Variants in CNBD1 observed in about 807,000 individuals in gnomAD.
CNBD1 encodes the protein cyclic nucleotide-binding domain-containing protein 1.
CNBD1 carries 71 observed loss-of-function variants against 54.4 expected under a neutral mutation model. The observed-to-expected ratio is 1.30, with a 90% CI of 1.08 to 1.59. The LOEUF is 1.59. CNBD1 is among the 40% of genes most tolerant of loss of function. The pLI is 0.00. For synonymous variants in CNBD1, 182 were observed against 170.7 expected (o/e 1.07, Z -0.51); for missense variants, 659 against 518.0 (o/e 1.27, Z -2.64).
chr8:86,979,022 G>A (rs1024704364), intron 4 of CNBD1, among the ~76,000 whole-genome samples: 9 of 152,018 alleles, frequency 5.9e-5, no homozygotes, highest in Non-Finnish European at 1.2e-4. Flanking sequence ...AGATTATGTC[G>A]TAATGTTAAG....
At chr8:87,416,611 T>A (rs1355543665) in intron 2 of CNBD1, among the ~76,000 whole-genome samples, 1 of 152,016 alleles carries the variant, frequency 6.6e-6, no homozygotes, top group Non-Finnish European at 1.5e-5. Flanking sequence ...GTCTGGTCAT[T>A]CTCTGGAAGA....
At chr8:86,942,963 G>A (rs924741949) in intron 4 of CNBD1, among the ~76,000 whole-genome samples, 9 of 151,918 alleles carry the variant, frequency 5.9e-5, no homozygotes, top group Non-Finnish European at 8.8e-5. Flanking sequence ...TCAGATTGAC[G>A]GGCTGTTTAA....
At chr8:87,237,182 C>T in intron 6 of CNBD1, 70 bp downstream of exon 6, 2 of 889,410 alleles carry the variant, frequency 2.2e-6, no homozygotes, top group Non-Finnish European at 3.4e-6. Flanking sequence ...TTATCTCTTC[C>T]AGACATTAAG....
intron 2 of CNBD1, among the ~76,000 whole-genome samples, chr8:86,900,215 A>T (rs562461804): frequency 1.9e-4 from 29 of 152,302 alleles, no homozygotes; most frequent in South Asian, 1.9e-3. Flanking sequence ...GTTCTAAGGT[A>T]TAAGGTATGT....
At chr8:87,077,521 A>G (rs1810898859) in intron 4 of CNBD1, among the ~76,000 whole-genome samples, 2 of 145,334 alleles carry the variant, frequency 1.4e-5, no homozygotes, top group African/African-American at 5.1e-5. Context: ...TTAACTCGTC[A>G]TTTACATTAG....
In CNBD1 at chr8:86,979,588, T is replaced by TA. The variant is rs200091649; in HGVS notation, c.431+39842dup. 5.3e-3 allele frequency among the ~76,000 whole-genome samples: 810 copies of TA among 151,596 alleles called. 5 individuals are homozygous for TA. The highest frequency in any genetic ancestry group is 0.018 in the African/African-American group (732 of 41,316). ...AGAATAAGACCCCATTTCCAAAAAA[T>TA]AAAAAAAATTAAAATTCACACTGAG... is the stretch of plus-strand genomic sequence containing the variant. On this transcript the variant is annotated intron_variant, in intron 4 of 10. Transcript: ENST00000518476.
Position 87,077,880 on chromosome 8 carries a change from G to A in CNBD1, c.432-128113G>A, listed in dbSNP as rs149882300. On this transcript the variant is annotated intron_variant, in intron 4 of 10. Coordinates refer to ENST00000518476, the MANE Select transcript of CNBD1 (RefSeq NM_173538.3). ...GTGAATAGTGCTGCAATAAACACAC[G>A]TGTGCATGTGTCTTTATAGTATCAT... is the stretch of plus-strand genomic sequence containing the variant. Among the ~76,000 whole-genome samples the A allele has an allele frequency of 3.1e-3, 474 of 152,102 alleles. 6 individuals are homozygous for A. Among genetic ancestry groups the A allele is most frequent in the Admixed American group, 7.2e-3 (110 of 15,264 alleles).
chr8:87,162,280 G>A (rs958470689), intron 4 of CNBD1, among the ~76,000 whole-genome samples: 2 of 151,974 alleles, frequency 1.3e-5, no homozygotes, highest in Non-Finnish European at 2.9e-5. Context: ...ATAAATGATT[G>A]TACATTGCAG....
intron 4 of CNBD1, among the ~76,000 whole-genome samples, chr8:87,161,748 A>G (rs1043952840): frequency 4.6e-5 from 7 of 152,164 alleles, no homozygotes; most frequent in African/African-American, 1.4e-4. Context: ...TATGCCTTAC[A>G]AAAGTAATTC....
At chr8:87,085,166 A>T (rs1004198774) in intron 4 of CNBD1, among the ~76,000 whole-genome samples, 1 of 152,118 alleles carries the variant, frequency 6.6e-6, no homozygotes, top group African/African-American at 2.4e-5. Context: ...TTTGCAATTC[A>T]TCCACAGATC....
chr8:87,401,002 A>G (rs1807554832), intron 2 of CNBD1, among the ~76,000 whole-genome samples: 1 of 152,016 alleles, frequency 6.6e-6, no homozygotes, highest in Admixed American at 6.6e-5. Flanking sequence ...ATTGAGGCTA[A>G]AGGACAGAAT....
At chr8:87,335,512 G>C (rs1049518830) in intron 8 of CNBD1, among the ~76,000 whole-genome samples, 2 of 152,060 alleles carry the variant, frequency 1.3e-5, no homozygotes, top group African/African-American at 4.8e-5. Context: ...TTTTATCAGA[G>C]ACTAGGGTTT....
chr8:87,110,384 C>G (rs1811637723), intron 4 of CNBD1, among the ~76,000 whole-genome samples: 1 of 152,160 alleles, frequency 6.6e-6, no homozygotes, highest in Non-Finnish European at 1.5e-5. Context: ...CTTTCTTGCT[C>G]TGGACCCCAC....
At chr8:87,351,983 T>G (rs895384793) in intron 9 of CNBD1, among the ~76,000 whole-genome samples, 189 bp downstream of exon 9, 4 of 152,194 alleles carry the variant, frequency 2.6e-5, no homozygotes, top group African/African-American at 7.2e-5. Context: ...TAAGATATAT[T>G]GATTTGTAAG....
At chr8:87,093,086 T>C (rs1361358990) in intron 4 of CNBD1, among the ~76,000 whole-genome samples, 1 of 152,222 alleles carries the variant, frequency 6.6e-6, no homozygotes, top group Non-Finnish European at 1.5e-5. Context: ...CTTCTCCCTC[T>C]GACTTCTAGA....
At chr8:87,424,165 C>A (rs1291647159) in intron 2 of CNBD1, among the ~76,000 whole-genome samples, 3 of 151,864 alleles carry the variant, frequency 2.0e-5, no homozygotes, top group African/African-American at 7.3e-5. Context: ...ACTCTTCTCC[C>A]TTTTTTCTTT....
At chr8:86,893,222 G>A (rs924178198) in intron 2 of CNBD1, among the ~76,000 whole-genome samples, 2 of 152,168 alleles carry the variant, frequency 1.3e-5, no homozygotes, top group Non-Finnish European at 2.9e-5. Context: ...TTCAAGGCAT[G>A]CCTATTCATA....
At chr8:87,219,750 C>G (rs1356180367) in intron 5 of CNBD1, among the ~76,000 whole-genome samples, 1 of 151,964 alleles carries the variant, frequency 6.6e-6, no homozygotes, top group Non-Finnish European at 1.5e-5. Context: ...TGTTTGGAAT[C>G]AGGCATATCT....
At chr8:87,424,950 A>T (rs1586095373) in intron 2 of CNBD1, among the ~76,000 whole-genome samples, 1 of 152,060 alleles carries the variant, frequency 6.6e-6, no homozygotes, top group African/African-American at 2.4e-5. Context: ...CATGACTTTC[A>T]GGTACACCAA....
Sources: allele counts gnomAD v4.1 joint callset (sites outside exome capture counted in the v4.1 genomes callset), GRCh38; gene constraint gnomAD v4.1.1; transcripts MANE v1.5; gene names NCBI Gene and HGNC (gene_info 2026-07-23, HGNC 2026-07-21).